The following RBBP5 variants were observed in gnomAD, a reference collection of about 807,000 sequenced individuals.
The protein encoded by RBBP5 is RB binding protein 5, histone lysine methyltransferase complex subunit.
A neutral mutation model predicts 72.2 loss-of-function variants in RBBP5; 5 were observed. That is an observed-to-expected ratio of 0.07 (90% CI 0.04 to 0.15). The LOEUF is 0.15. Among genes scored for constraint, RBBP5 ranks in the 10% least tolerant of loss-of-function variants. The pLI is 1.00. For synonymous variants in RBBP5, 209 were observed against 237.2 expected, an observed-to-expected ratio of 0.88 and a Z score of 1.09; for missense variants, 322 against 652.2, an observed-to-expected ratio of 0.49 and a Z score of 5.51.
chr1:205,101,496 A>T (rs1655820614), intron 6 of RBBP5, 104 bp downstream of exon 6: 6 of 750,362 alleles, frequency 8.0e-6, no homozygotes, highest in Admixed American at 3.1e-5. Flanking sequence ...GTACATTTTT[A>T]AAAAATGCTT....
Position 205,088,826 on chromosome 1 carries a change from T to C in RBBP5, c.1589-11A>G, listed in dbSNP as rs1655224935. The stretch of plus-strand genomic sequence containing the variant: ...AGATTGCTCCTCCTGCTAAAGAGAT[T>C]AGACACAAAAAGATTTCTTTTAGCT... On this transcript the variant is annotated splice_polypyrimidine_tract_variant and intron_variant, in intron 13 of 13. Transcript: ENST00000264515. 1 of 1,570,304 alleles carries C rather than the reference T, an allele frequency of 6.4e-7. No homozygotes were observed. The highest frequency in any genetic ancestry group is 1.4e-5 in the African/African-American group (1 of 72,124).
At chr1:205,095,806 T>C (rs1460343663) in intron 12 of RBBP5, among the ~76,000 whole-genome samples, 1 of 152,170 alleles carries the variant, frequency 6.6e-6, no homozygotes, top group Non-Finnish European at 1.5e-5. Flanking sequence ...CAATGGTACA[T>C]ATACCAAACA....
At chr1:205,108,159 C>T (rs772860960) in intron 3 of RBBP5, among the ~76,000 whole-genome samples, 6 of 151,400 alleles carry the variant, frequency 4.0e-5, no homozygotes, top group African/African-American at 7.3e-5. Flanking sequence ...TGGAGAATCA[C>T]TTGAACTTGG....
chr1:205,093,443 A>G (rs1324739645), intron 13 of RBBP5, among the ~76,000 whole-genome samples: 1 of 127,042 alleles, frequency 7.9e-6, no homozygotes, highest in African/African-American at 3.0e-5. Context: ...TGGGGACAAG[A>G]GTGAAACTCC....
intron 3 of RBBP5, among the ~76,000 whole-genome samples, chr1:205,106,412 T>C (rs1656066659): frequency 6.6e-6 from 1 of 152,106 alleles, no homozygotes; most frequent in African/African-American, 2.4e-5. Flanking sequence ...CTGGCCGACA[T>C]GGTGAAACTC....
At chr1:205,089,499 GAAGAA>G (rs1655254571) in intron 13 of RBBP5, among the ~76,000 whole-genome samples, 1 of 152,202 alleles carries the variant, frequency 6.6e-6, no homozygotes, top group African/African-American at 2.4e-5. Flanking sequence ...AGAAGAAGGT[GAAGAA>G]AATCCTCCCA....
chr1:205,103,545 T>C (rs924172394), intron 5 of RBBP5, among the ~76,000 whole-genome samples: 1 of 152,170 alleles, frequency 6.6e-6, no homozygotes, highest in Non-Finnish European at 1.5e-5. Context: ...TAAAACCAGA[T>C]ATTGAGAAAT....
chr1:205,110,842 T>C (rs1159920092), intron 3 of RBBP5, among the ~76,000 whole-genome samples: 1 of 152,218 alleles, frequency 6.6e-6, no homozygotes, highest in Non-Finnish European at 1.5e-5. Context: ...GGCAGGCAGA[T>C]CACCTGAGGT....
At chr1:205,096,659 G>C in intron 12 of RBBP5, 23 bp downstream of exon 12, 1 of 1,604,826 alleles carries the variant, frequency 6.2e-7, no homozygotes, top group Non-Finnish European at 8.5e-7. Context: ...TGCCAGGCCA[G>C]AGGGAGAAGA....
chr1:205,099,137 T>A lies in RBBP5; in HGVS notation c.979-31A>T. 2 of 1,308,974 alleles carry A rather than the reference T, an allele frequency of 1.5e-6. No homozygotes were observed. The highest frequency in any genetic ancestry group is 2.7e-5 in the South Asian group (2 of 75,128). The allele number at this position is 1,308,974 out of a possible 1,614,324, so 81.1% of individuals were successfully genotyped here. On this transcript the variant is annotated intron_variant, in intron 9 of 13. Coordinates refer to ENST00000264515, the MANE Select transcript of RBBP5 (RefSeq NM_005057.4). This position sits in a 1 kb window ranked among gnomAD's most constrained non-coding sequence, Gnocchi z 4.7. ...CAACAAGATATACTACTTAACCATATGTGAAAGCAATAATCTGTAATCTAC... is the reference window on the plus strand; with the variant it reads ...CAACAAGATATACTACTTAACCATAAGTGAAAGCAATAATCTGTAATCTAC...
In RBBP5 at chr1:205,105,233, A is replaced by T. The variant is rs535660628; in HGVS notation, c.219-65T>A. ...TATATCATACCACTCTCATGAATAA[A>T]CTGTGTAAGTCACACACATTGCTGC... On this transcript the variant is annotated intron_variant, in intron 3 of 13. Coordinates refer to ENST00000264515, the MANE Select transcript of RBBP5 (RefSeq NM_005057.4). 3 of 1,545,958 alleles carry T rather than the reference A, an allele frequency of 1.9e-6. No individual in the cohort carries two copies. In the South Asian group the frequency reaches 3.4e-5, roughly 17 times the overall value.
chr1:205,114,411 CCACTAAAATTACTGGAATT>C (rs1558581750), intron 3 of RBBP5, among the ~76,000 whole-genome samples: 2 of 152,168 alleles, frequency 1.3e-5, no homozygotes, highest in South Asian at 2.1e-4. Context: ...ATACTTGTGA[CCACTAAAATTACTGGAATT>C]CAGTAAACTG....
Position 205,099,099 on chromosome 1 carries a change from C to A in RBBP5, c.986G>T (p.Trp329Leu). 6.2e-7 allele frequency: 1 copy of A among 1,600,152 alleles called. No homozygotes were observed. Among genetic ancestry groups the A allele is most frequent in the Non-Finnish European group, 8.5e-7 (1 of 1,171,808 alleles). Reference protein sequence around the residue: ...SIWAQNQVENWSAFAPDFKEL... With the variant: ...SIWAQNQVENLSAFAPDFKEL... ...TTTGAAGTCTGGTGCAAATGCACTC[C>A]AGTTTTCCTATACAACAAGATATAC... Residue 329 changes from tryptophan to leucine, a missense_variant, in exon 10 of 14, where the codon TGG becomes TTG. Physicochemically the swap from Trp to Leu is moderately conservative, Grantham distance 61. Transcript: ENST00000264515. The surrounding 1 kb of genome is among the most constrained non-coding windows in gnomAD (Gnocchi z 4.7).
intron 13 of RBBP5, among the ~76,000 whole-genome samples, chr1:205,090,283 A>G (rs1018973250): frequency 5.3e-5 from 8 of 152,230 alleles, no homozygotes; most frequent in African/African-American, 1.9e-4. Context: ...AGTGGTAATC[A>G]TCTAAAAATG....
intron 12 of RBBP5, among the ~76,000 whole-genome samples, chr1:205,096,131 T>C (rs1167569799): frequency 1.3e-5 from 2 of 151,978 alleles, no homozygotes; most frequent in African/African-American, 4.8e-5. Context: ...AGGCGGAGGT[T>C]GCAGTGAACC....
chr1:205,118,618 C>T (rs1558583939), intron 1 of RBBP5, among the ~76,000 whole-genome samples: 1 of 151,460 alleles, frequency 6.6e-6, no homozygotes, highest in Non-Finnish European at 1.5e-5. Flanking sequence ...GCAAGACTCC[C>T]TCTAAAGAAA....
chr1:205,103,223 C>CAAA (rs35295093), intron 5 of RBBP5, among the ~76,000 whole-genome samples: 7 of 91,370 alleles, frequency 7.7e-5, no homozygotes, highest in African/African-American at 1.3e-4. Context: ...GACTCCATCT[C>CAAA]AAAAAAAAAA....
chr1:205,112,040 G>A (rs1656336719), intron 3 of RBBP5, among the ~76,000 whole-genome samples: 2 of 151,992 alleles, frequency 1.3e-5, no homozygotes, highest in South Asian at 4.2e-4. Flanking sequence ...TTATCTGGCT[G>A]GGCATGGAGG....
intron 5 of RBBP5, 82 bp downstream of exon 5, chr1:205,103,754 GTGCTTAGTCCAAGAATAAAAA>G: frequency 1.5e-6 from 2 of 1,345,080 alleles, no homozygotes; most frequent in Non-Finnish European, 2.1e-6. Flanking sequence ...GAAAGGAGCT[GTGCTTAGTCCAAGAATAAAAA>G]CAATTTTCAA....
Sources: gnomAD v4.1 joint callset for allele counts (sites outside exome capture counted in the v4.1 genomes callset) on GRCh38, gnomAD v4.1.1 for gene constraint, Gnocchi (gnomAD v3.1) non-coding constraint, MANE v1.5 for transcripts, NCBI Gene and HGNC (gene_info 2026-07-23, HGNC 2026-07-21) for gene names.